MCF2L2: variants seen among roughly 807,000 people sequenced by gnomAD.
MCF2L2 encodes probable guanine nucleotide exchange factor MCF2L2.
Under a neutral mutation model 150.2 loss-of-function variants are expected in MCF2L2, and 102 were observed. The ratio of observed to expected loss-of-function variants is 0.68; its 90% CI spans 0.58 to 0.80. The LOEUF (loss-of-function observed/expected upper bound fraction) is 0.80, where lower values mean the gene tolerates loss of function less well. Ranked by LOEUF, MCF2L2 falls within the 30% of genes least tolerant of loss-of-function variation. The pLI is 0.00. For missense variants in MCF2L2, 1,256 were observed against 1,372.8 expected (o/e 0.91, Z 1.34); for synonymous variants, 465 against 491.3 (o/e 0.95, Z 0.71).
intron 14 of MCF2L2, chr3:183,287,656 A>C (rs567872288): frequency 6.6e-6 from 1 of 152,284 alleles, no homozygotes; most frequent in East Asian, 1.9e-4. Flanking sequence ...ACTTGAGAAA[A>C]CATGGTGATG....
intron 1 of MCF2L2, among the ~76,000 whole-genome samples, chr3:183,399,396 A>G (rs1403730690): frequency 6.6e-6 from 1 of 152,234 alleles, no homozygotes; most frequent in East Asian, 1.9e-4. Flanking sequence ...CCTGTGATCC[A>G]AAGGGAATAA....
intron 1 of MCF2L2, among the ~76,000 whole-genome samples, chr3:183,427,529 G>T: frequency 6.6e-6 from 1 of 152,154 alleles, no homozygotes; most frequent in Non-Finnish European, 1.5e-5. Flanking sequence ...ACTGGCATTC[G>T]TTCCTCTTAT....
At position 183,261,961 on chromosome 3, in the gene MCF2L2, T is replaced by TAAA. The variant is rs59219335; in HGVS notation, c.1862+14908_1862+14910dup. On this transcript the variant is annotated intron_variant, in intron 15 of 29. Coordinates refer to ENST00000328913, the MANE Select transcript of MCF2L2 (RefSeq NM_015078.4). ...TTTAGGAGGTTTTCATGTCCAGCATTAAAAAAAAAAAAAAAAGAATAGAAT... is the reference window on the plus strand; with the variant it reads ...TTTAGGAGGTTTTCATGTCCAGCATTAAAAAAAAAAAAAAAAAAAGAATAGAAT... 3.6e-4 allele frequency among the ~76,000 whole-genome samples: 40 copies of TAAA among 112,112 alleles called. 1 individual carries two copies. In the East Asian group the frequency reaches 9.8e-3, roughly 27 times the overall value. 73.5% of individuals were successfully genotyped at this position (112,112 alleles called of 152,430 possible).
At position 183,304,766 on chromosome 3, in the gene MCF2L2, G is replaced by C. The variant is rs149947512; in HGVS notation, c.1114-4570C>G. On this transcript the variant is annotated intron_variant, in intron 10 of 29. Coordinates refer to ENST00000328913, the MANE Select transcript of MCF2L2 (RefSeq NM_015078.4). ...TAGGATTACAGGCGTGAGCCACCGC[G>C]CCTGGTCTGGGCAGTGATTTTTGAC... Among the ~76,000 whole-genome samples the C allele has an allele frequency of 7.0e-3, 1,063 of 151,612 alleles. 12 individuals carry two copies. The highest frequency in any genetic ancestry group is 0.024 in the African/African-American group (977 of 41,296).
chr3:183,290,633 A>G (rs1728085455), intron 13 of MCF2L2, among the ~76,000 whole-genome samples: 2 of 151,882 alleles, frequency 1.3e-5, no homozygotes. Context: ...TCCCAGGTTC[A>G]AGCGATTCTT....
chr3:183,312,502 C>T (rs1729427235), intron 7 of MCF2L2, among the ~76,000 whole-genome samples: 1 of 152,206 alleles, frequency 6.6e-6, no homozygotes, highest in African/African-American at 2.4e-5. Flanking sequence ...GTGGCAGAGC[C>T]TGACCTAGAA....
At chr3:183,250,116 G>T (rs1326458914) in intron 15 of MCF2L2, among the ~76,000 whole-genome samples, 1 of 152,204 alleles carries the variant, frequency 6.6e-6, no homozygotes, top group Non-Finnish European at 1.5e-5. Flanking sequence ...AACAGCCTGG[G>T]CTGGGTCACT....
At chr3:183,266,790 C>CTTTTT (rs113393313) in intron 15 of MCF2L2, among the ~76,000 whole-genome samples, 3,087 of 143,624 alleles carry the variant, frequency 0.021, 125 homozygotes, top group African/African-American at 0.073. Flanking sequence ...GTGTTTCAGT[C>CTTTTT]TTTTTTTTTT....
At chr3:183,189,989 G>A (rs891358069) in intron 27 of MCF2L2, among the ~76,000 whole-genome samples, 4 of 152,194 alleles carry the variant, frequency 2.6e-5, no homozygotes, top group African/African-American at 9.7e-5. Flanking sequence ...TACCAGCCCA[G>A]TCTGCCTCTG....
At chr3:183,223,476 A>T (rs761553361) in intron 19 of MCF2L2, 38 bp from the exon 20 acceptor site, 1 of 1,442,898 alleles carries the variant, frequency 6.9e-7, no homozygotes, top group South Asian at 1.1e-5. Flanking sequence ...AAGCAAAACA[A>T]ACAACACACA....
chr3:183,325,444 T>A, intron 5 of MCF2L2, among the ~76,000 whole-genome samples: 1 of 152,170 alleles, frequency 6.6e-6, no homozygotes, highest in African/African-American at 2.4e-5. Flanking sequence ...GCTTTTAAAA[T>A]GTATCTTTAT....
chr3:183,218,452 C>A (rs944130879), intron 21 of MCF2L2, among the ~76,000 whole-genome samples: 10 of 152,096 alleles, frequency 6.6e-5, no homozygotes, highest in Middle Eastern at 3.4e-3. Flanking sequence ...GCCTGACCAA[C>A]GTGGTGAAAC....
intron 1 of MCF2L2, 94 bp downstream of exon 1, chr3:183,427,808 C>T (rs1387547992): frequency 1.3e-5 from 14 of 1,089,662 alleles, no homozygotes; most frequent in Middle Eastern, 2.6e-4. Flanking sequence ...CGCGCTGCCC[C>T]GGGGCAGCGG....
At chr3:183,185,242 C>A (rs368009663) in intron 27 of MCF2L2, among the ~76,000 whole-genome samples, 6 of 152,208 alleles carry the variant, frequency 3.9e-5, no homozygotes, top group East Asian at 1.9e-4. Flanking sequence ...TTTTAAGGAC[C>A]ATCTCTATCA....
intron 7 of MCF2L2, among the ~76,000 whole-genome samples, chr3:183,313,091 G>C (rs967642214): frequency 3.3e-5 from 5 of 152,174 alleles, no homozygotes; most frequent in African/African-American, 1.2e-4. Context: ...AAGAAGTCAG[G>C]TTGCAGATGA....
intron 3 of MCF2L2, chr3:183,373,097 T>TA (rs1374307435): frequency 1.3e-5 from 2 of 152,164 alleles, no homozygotes; most frequent in East Asian, 1.9e-4. Context: ...GACGATATCT[T>TA]ACATTCTGAG....
intron 1 of MCF2L2, among the ~76,000 whole-genome samples, chr3:183,395,127 A>G (rs1482476073): frequency 6.6e-6 from 1 of 152,232 alleles, no homozygotes; most frequent in African/African-American, 2.4e-5. Context: ...TAAAATCTCC[A>G]TAATATTTTA....
intron 4 of MCF2L2, among the ~76,000 whole-genome samples, chr3:183,339,214 TAGA>T (rs1730607990): frequency 6.6e-6 from 1 of 152,176 alleles, no homozygotes; most frequent in African/African-American, 2.4e-5. Context: ...AACTATACAT[TAGA>T]AAGTGAAAAC....
At chr3:183,332,498 G>A (rs181192440) in intron 5 of MCF2L2, among the ~76,000 whole-genome samples, 117 of 151,520 alleles carry the variant, frequency 7.7e-4, no homozygotes, top group South Asian at 5.2e-3. Context: ...CTGAGAAGGA[G>A]GGCATAAGTC....
Sources: gnomAD v4.1 joint callset for allele counts (sites outside exome capture counted in the v4.1 genomes callset) on GRCh38, gnomAD v4.1.1 for gene constraint, MANE v1.5 for transcripts, NCBI Gene and HGNC (gene_info 2026-07-23, HGNC 2026-07-21) for gene names.